The following PCDHA13 variants were observed in gnomAD, a reference collection of about 807,000 sequenced individuals.
PCDHA13 encodes protocadherin alpha 13.
PCDHA13 carries 54 observed loss-of-function variants against 64.8 expected under a neutral mutation model. The observed-to-expected ratio is 0.83, with a 90% CI of 0.67 to 1.04. PCDHA13 has a LOEUF of 1.04. PCDHA13 is among the 50% of genes least tolerant of loss of function. The pLI, the probability that PCDHA13 is intolerant of heterozygous loss-of-function variation, is 0.00. For missense variants in PCDHA13, 1,248 were observed against 1,254.3 expected (o/e 0.99, Z 0.08); for synonymous variants, 587 against 564.4 (o/e 1.04, Z -0.57).
At chr5:140,972,783 C>T (rs1437997582) in intron 1 of PCDHA13, among the ~76,000 whole-genome samples, 2 of 151,768 alleles carry the variant, frequency 1.3e-5, no homozygotes, top group African/African-American at 4.8e-5. Context: ...TCTGCCTCAG[C>T]CTCCTGAGTA....
intron 1 of PCDHA13, among the ~76,000 whole-genome samples, chr5:140,951,285 A>T (rs1267785922): frequency 6.6e-6 from 1 of 152,100 alleles, no homozygotes; most frequent in East Asian, 1.9e-4. Context: ...GTAATTTTGG[A>T]TTATATCTTG....
chr5:140,951,793 C>G (rs536005204), intron 1 of PCDHA13, among the ~76,000 whole-genome samples: 1 of 152,126 alleles, frequency 6.6e-6, no homozygotes, highest in African/African-American at 2.4e-5. Flanking sequence ...ATACAATTAT[C>G]CCTTCCCAAT....
At chr5:140,904,176 C>T (rs782427504) in intron 1 of PCDHA13, among the ~76,000 whole-genome samples, 31 of 152,098 alleles carry the variant, frequency 2.0e-4, no homozygotes, top group African/African-American at 6.7e-4. Context: ...TTTTATTCCT[C>T]ACCCCCTTCC....
intron 1 of PCDHA13, chr5:140,966,646 G>A: frequency 1.8e-6 from 2 of 1,139,684 alleles, no homozygotes; most frequent in Non-Finnish European, 2.3e-6. Flanking sequence ...TTTCTAGAGC[G>A]TGAGCGGTGG....
chr5:140,982,611 T>G, intron 3 of PCDHA13, 48 bp downstream of exon 3: 2 of 1,600,048 alleles, frequency 1.2e-6, no homozygotes, highest in South Asian at 2.2e-5. Flanking sequence ...TGGAAAGTGA[T>G]CAGATGACCT....
chr5:140,979,146 TC>T (rs2096836943), intron 2 of PCDHA13, 139 bp downstream of exon 2: 2 of 1,444,078 alleles, frequency 1.4e-6, no homozygotes, highest in African/African-American at 2.9e-5. Context: ...AATTATTTTG[TC>T]CCCATGTTTA....
At chr5:140,894,035 T>C (rs1554185902) in intron 1 of PCDHA13, among the ~76,000 whole-genome samples, 1 of 152,220 alleles carries the variant, frequency 6.6e-6, no homozygotes, top group Non-Finnish European at 1.5e-5. Context: ...ATACTGGTAA[T>C]GTAAGTCCTC....
intron 1 of PCDHA13, chr5:140,967,929 G>C (rs1554230126): frequency 6.2e-7 from 1 of 1,614,214 alleles, no homozygotes; most frequent in Non-Finnish European, 8.5e-7. Flanking sequence ...GCCGTTCTCA[G>C]TGTCAATGAC....
Position 141,009,639 on chromosome 5 carries a change from G to A in PCDHA13, c.2555G>A (p.Gly852Glu). The stretch of plus-strand genomic sequence containing the variant: ...TTTTGTCTTTCAGAACCAGAGGCAG[G>A]AGAAGTGTCCCCTCCAGTCGGTGCG... ...VSSATPEPEA[G>E]EVSPPVGAGV... The change falls in exon 4 of 4, where the codon GGA becomes GAA. Residue 852 changes from glycine to glutamate, a missense_variant. Transcript: ENST00000289272. The A allele has an allele frequency of 6.2e-7, 1 of 1,613,406 alleles. No individual in the cohort carries two copies. The highest frequency in any genetic ancestry group is 8.5e-7 in the Non-Finnish European group (1 of 1,179,594).
intron 1 of PCDHA13, among the ~76,000 whole-genome samples, chr5:140,919,272 T>C (rs1287919874): frequency 6.6e-6 from 1 of 152,258 alleles, no homozygotes; most frequent in Non-Finnish European, 1.5e-5. Context: ...GTGTAGTCAC[T>C]CCAGCTATCT....
chr5:140,928,082 T>G, intron 1 of PCDHA13: 1 of 1,614,212 alleles, frequency 6.2e-7, no homozygotes, highest in Non-Finnish European at 8.5e-7. Context: ...TACTACAGCC[T>G]GCTGATTGAT....
intron 3 of PCDHA13, among the ~76,000 whole-genome samples, chr5:140,986,380 G>T (rs1554247980): frequency 6.6e-6 from 1 of 152,130 alleles, no homozygotes; most frequent in African/African-American, 2.4e-5. Flanking sequence ...TGGGGGGAGG[G>T]ACATTAAAGG....
intron 1 of PCDHA13, among the ~76,000 whole-genome samples, chr5:140,956,246 C>T (rs2095270779): frequency 6.6e-6 from 1 of 152,094 alleles, no homozygotes; most frequent in African/African-American, 2.4e-5. Context: ...GGGAATGCTT[C>T]CAGGTTTTGC....
At chr5:140,927,105 C>T in intron 1 of PCDHA13, 1 of 1,613,778 alleles carries the variant, frequency 6.2e-7, no homozygotes, top group Non-Finnish European at 8.5e-7. Flanking sequence ...TGGATCTACC[C>T]AGCGGCAATT....
chr5:140,889,063 A>G (rs1423499022), intron 1 of PCDHA13, among the ~76,000 whole-genome samples: 2 of 151,938 alleles, frequency 1.3e-5, no homozygotes, highest in Non-Finnish European at 2.9e-5. Context: ...CTTTTAATAT[A>G]CTACTTATTT....
At position 140,993,460 on chromosome 5, in the gene PCDHA13, T is replaced by TCACACA. The variant is rs1554253699; in HGVS notation, c.2542+10898_2542+10899insACACAC. ...TTCATTCCTGTTCTCCTTCTTTCTT[T>TCACACA]CTCACACACACACACACACACACAC... On this transcript the variant is annotated intron_variant, in intron 3 of 3. Transcript: ENST00000289272. Among the ~76,000 whole-genome samples, 49 of 104,564 alleles carry TCACACA rather than the reference T, an allele frequency of 4.7e-4. 1 individual carries two copies. Among genetic ancestry groups the TCACACA allele is most frequent in the Admixed American group, 1.8e-3 (15 of 8,460 alleles). 68.6% of individuals were successfully genotyped at this position (104,564 alleles called of 152,430 possible).
At chr5:140,886,651 C>T (rs1427441330) in intron 1 of PCDHA13, among the ~76,000 whole-genome samples, 4 of 151,902 alleles carry the variant, frequency 2.6e-5, no homozygotes, top group Non-Finnish European at 4.4e-5. Context: ...CATGGTGAAA[C>T]CCTGTCTCTA....
intron 1 of PCDHA13, chr5:140,927,653 G>T: frequency 6.2e-7 from 1 of 1,614,190 alleles, no homozygotes; most frequent in Non-Finnish European, 8.5e-7. Context: ...GTGTTATTCC[G>T]AGTTCAAGCC....
At chr5:140,961,646 T>C (rs554070301) in intron 1 of PCDHA13, among the ~76,000 whole-genome samples, 19 of 152,328 alleles carry the variant, frequency 1.2e-4, no homozygotes, top group African/African-American at 4.6e-4. Flanking sequence ...TAAGTCTATG[T>C]GGTTAGTTTG....
Sources: gnomAD v4.1 joint callset for allele counts (sites outside exome capture counted in the v4.1 genomes callset) on GRCh38, gnomAD v4.1.1 for gene constraint, MANE v1.5 for transcripts, NCBI Gene and HGNC (gene_info 2026-07-23, HGNC 2026-07-21) for gene names.